PREPL: variants seen among roughly 807,000 people sequenced by gnomAD.
PREPL encodes the protein prolyl endopeptidase-like.
In PREPL, 77 loss-of-function variants were observed where a neutral mutation model predicts 70.6. The ratio of observed to expected loss-of-function variants is 1.09; its 90% CI spans 0.91 to 1.32. The LOEUF is 1.32. Among genes scored for constraint, PREPL ranks in the 40% most tolerant of loss-of-function variants. PREPL has a pLI of 0.00. For missense variants in PREPL, 1,002 were observed against 778.2 expected, an observed-to-expected ratio of 1.29 and a Z score of -3.42; for synonymous variants, 315 against 264.8, an observed-to-expected ratio of 1.19 and a Z score of -1.84.
chr2:44,339,086 G>T lies in PREPL; in HGVS notation c.702+61C>A, dbSNP rs1386145681. The T allele has an allele frequency of 1.9e-6, 3 of 1,589,966 alleles. No homozygotes were observed. The South Asian group carries it at 3.4e-5, about 18-fold the overall frequency. The stretch of plus-strand genomic sequence containing the variant: ...ATGAGCTCTTGGAGCAAGAAATGTT[G>T]TTGATCGAAGTGTGACACTTCTTAA... On this transcript the variant is annotated intron_variant, in intron 6 of 13. Transcript: ENST00000409411.
chr2:44,320,515 G>A lies in PREPL; in HGVS notation c.*841C>T. 1 of 1,614,100 alleles carries A rather than the reference G, an allele frequency of 6.2e-7. No individual in the cohort carries two copies. On this transcript the variant is annotated 3_prime_UTR_variant, in exon 14 of 14. Transcript: ENST00000409411. ...GGCATTTTTCTGGACAAGGGAGAGG[G>A]ACTCATCTTTGAACACAACACGAAG...
intron 1 of PREPL, among the ~76,000 whole-genome samples, chr2:44,347,651 G>A (rs908546105): frequency 2.0e-5 from 3 of 152,160 alleles, no homozygotes; most frequent in Non-Finnish European, 4.4e-5. Context: ...GGTTTGCCTT[G>A]TTTAAGCAAA....
intron 12 of PREPL, among the ~76,000 whole-genome samples, chr2:44,322,143 T>G (rs189023409): frequency 1.7e-4 from 26 of 152,114 alleles, no homozygotes; most frequent in Non-Finnish European, 3.2e-4. Context: ...ACGGACAAGG[T>G]TGAAACCCAG....
In PREPL at chr2:44,346,347, T is replaced by C; in HGVS notation, c.-5A>G. 7 of 1,612,968 alleles carry C rather than the reference T, an allele frequency of 4.3e-6. No homozygotes were observed. The highest frequency in any genetic ancestry group is 5.9e-6 in the Non-Finnish European group (7 of 1,179,288). On this transcript the variant is annotated 5_prime_UTR_variant, in exon 2 of 14. Transcript: ENST00000409411. ...CACTTTTTCAAATGCATCCATGTTT[T>C]CTGGAAGGGGTTTTTCGTTTTCTTG...
At chr2:44,355,996 T>C (rs1677001721) in intron 1 of PREPL, among the ~76,000 whole-genome samples, 2 of 152,294 alleles carry the variant, frequency 1.3e-5, no homozygotes, top group East Asian at 3.9e-4. Flanking sequence ...AGAAATGTGA[T>C]ATCTGGATGG....
intron 1 of PREPL, among the ~76,000 whole-genome samples, chr2:44,351,255 T>C (rs1572559579): frequency 6.6e-6 from 1 of 152,084 alleles, no homozygotes; most frequent in Non-Finnish European, 1.5e-5. Context: ...TTTTTAACAC[T>C]GGCAGAGCTC....
intron 7 of PREPL, among the ~76,000 whole-genome samples, chr2:44,336,308 G>C (rs1336850664): frequency 2.0e-5 from 3 of 152,182 alleles, no homozygotes; most frequent in Non-Finnish European, 2.9e-5. Flanking sequence ...ATCAATGATA[G>C]ACTGGATACA....
chr2:44,328,893 C>A lies in PREPL; in HGVS notation c.1262+44G>T, dbSNP rs770306186. The A allele has an allele frequency of 1.6e-5, 25 of 1,520,652 alleles. No individual in the cohort carries two copies. In the African/African-American group the frequency reaches 2.9e-4, roughly 18 times the overall value. The allele number at this position is 1,520,652 out of a possible 1,614,324, so 94.2% of individuals were successfully genotyped here. A position where few individuals can be genotyped will look rare whatever the true frequency, so the allele number is the denominator to read the frequency against. On this transcript the variant is annotated intron_variant, in intron 9 of 13. Coordinates refer to ENST00000409411, the MANE Select transcript of PREPL (RefSeq NM_001171613.2). ...ATATTGTTATTCTTGACATCTCTCACAATGGTCTAGCACTTACATGCCAGG... is the reference window on the plus strand; with the variant it reads ...ATATTGTTATTCTTGACATCTCTCAAAATGGTCTAGCACTTACATGCCAGG...
Position 44,359,476 on chromosome 2 carries a change from G to A in PREPL, c.-49+1904C>T. 1.9e-5 allele frequency: 29 copies of A among 1,521,036 alleles called. 1 individual carries two copies. Among genetic ancestry groups the A allele is most frequent in the Non-Finnish European group, 2.5e-5 (28 of 1,108,906 alleles). The allele number at this position is 1,521,036 out of a possible 1,614,324, so 94.2% of individuals were successfully genotyped here. A position where few individuals can be genotyped will look rare whatever the true frequency, so the allele number is the denominator to read the frequency against. On this transcript the variant is annotated intron_variant, in intron 1 of 13. Transcript: ENST00000409411. ...ATTAATCTTAATGACCTACAAATAG[G>A]TTAACTTAAACAGTCCATACCTTAC...
chr2:44,345,454 T>A (rs1341067055), intron 2 of PREPL, among the ~76,000 whole-genome samples: 2 of 151,958 alleles, frequency 1.3e-5, no homozygotes, highest in Non-Finnish European at 2.9e-5. Flanking sequence ...TGAGTTCAAG[T>A]GATTCTCCTG....
chr2:44,349,773 G>C (rs1370831098), intron 1 of PREPL, among the ~76,000 whole-genome samples: 1 of 151,858 alleles, frequency 6.6e-6, no homozygotes, highest in Non-Finnish European at 1.5e-5. Flanking sequence ...AATACGAGGA[G>C]AGAAAAAGGC....
intron 8 of PREPL, 65 bp downstream of exon 8, chr2:44,332,394 A>G: frequency 2.2e-6 from 3 of 1,388,844 alleles, no homozygotes; most frequent in Non-Finnish European, 3.0e-6. Context: ...CAACAACTGC[A>G]TGGCATCTGG....
At position 44,332,628 on chromosome 2, in the gene PREPL, A is replaced by G. The variant is rs150182073; in HGVS notation, c.917T>C (p.Met306Thr). 1.2e-4 allele frequency: 199 copies of G among 1,613,880 alleles called. 1 individual carries two copies. In the African/African-American group the frequency reaches 2.4e-3, roughly 19 times the overall value. Residue 306 changes from methionine (M) to threonine (T), a missense_variant, in exon 8 of 14, where the codon ATG becomes ACG. Transcript: ENST00000409411. ...KLPPWACGFI[M>T]DTNSDPKNCP... ...GTTCTTTGGGTCAGAATTTGTATCC[A>G]TTATGAATCCACAGGCCCAAGGAGG...
chr2:44,322,945 T>C, intron 11 of PREPL, 91 bp from the exon 12 acceptor site: 1 of 1,507,458 alleles, frequency 6.6e-7, no homozygotes, highest in South Asian at 1.3e-5. Context: ...CCTCCAATTT[T>C]TCCCTGTAAG....
chr2:44,335,184 A>G (rs1303510701), intron 7 of PREPL, among the ~76,000 whole-genome samples: 1 of 152,242 alleles, frequency 6.6e-6, no homozygotes, highest in African/African-American at 2.4e-5. Flanking sequence ...AAGATACAGA[A>G]TAAATTAAAG....
intron 7 of PREPL, among the ~76,000 whole-genome samples, chr2:44,337,560 G>A (rs1178348692): frequency 6.6e-6 from 1 of 152,162 alleles, no homozygotes; most frequent in Admixed American, 6.6e-5. Flanking sequence ...AGTTAGGGAG[G>A]TATAAATGGT....
At chr2:44,344,276 C>T (rs1675541107) in intron 3 of PREPL, among the ~76,000 whole-genome samples, 1 of 152,088 alleles carries the variant, frequency 6.6e-6, no homozygotes, top group Non-Finnish European at 1.5e-5. Flanking sequence ...AAGTGCCTAG[C>T]ATAGTACCCA....
intron 7 of PREPL, among the ~76,000 whole-genome samples, chr2:44,334,602 G>T (rs1393844984): frequency 6.6e-6 from 1 of 152,194 alleles, no homozygotes; most frequent in Non-Finnish European, 1.5e-5. Context: ...CTGGAATGCA[G>T]TGGCGTGATC....
At chr2:44,345,772 ACAAT>A (rs1410694912) in intron 2 of PREPL, among the ~76,000 whole-genome samples, 4 of 152,202 alleles carry the variant, frequency 2.6e-5, no homozygotes, top group African/African-American at 9.7e-5. Context: ...TTTAGACAAA[ACAAT>A]CAAGTAATTT....
Sources: gnomAD v4.1 joint callset for allele counts (sites outside exome capture counted in the v4.1 genomes callset) on GRCh38, gnomAD v4.1.1 for gene constraint, MANE v1.5 for transcripts, NCBI Gene and HGNC (gene_info 2026-07-23, HGNC 2026-07-21) for gene names.